The following ARHGAP21 variants were observed in gnomAD, a reference collection of about 807,000 sequenced individuals.
ARHGAP21 encodes Rho GTPase activating protein 21, also known as rho GTPase-activating protein 21.
Under a neutral mutation model 164.6 loss-of-function variants are expected in ARHGAP21, and 38 were observed. The ratio of observed to expected loss-of-function variants is 0.23; its 90% confidence interval spans 0.18 to 0.30. The LOEUF is 0.30. ARHGAP21 is among the 10% of genes least tolerant of loss of function. The pLI is 1.00. For missense variants in ARHGAP21, 1,822 were observed against 2,370.7 expected, an observed-to-expected ratio of 0.77 and a Z score of 4.81; for synonymous variants, 766 against 857.9, an observed-to-expected ratio of 0.89 and a Z score of 1.87.
At chr10:24,678,115 A>AAG (rs1290268504) in intron 2 of ARHGAP21, among the ~76,000 whole-genome samples, 3 of 151,992 alleles carry the variant, frequency 2.0e-5, no homozygotes, top group Non-Finnish European at 2.9e-5. Flanking sequence ...GGAAAAAAAA[A>AAG]AGAGAGAGAG....
At chr10:24,641,848 T>A (rs1038400076) in intron 4 of ARHGAP21, among the ~76,000 whole-genome samples, 1 of 151,862 alleles carries the variant, frequency 6.6e-6, no homozygotes, top group Non-Finnish European at 1.5e-5. Context: ...ACACAAAAAA[T>A]TAGCCGGGCA....
At chr10:24,629,217 C>G (rs1296261999) in intron 7 of ARHGAP21, 1 of 150,478 alleles carries the variant, frequency 6.6e-6, no homozygotes, top group Non-Finnish European at 1.5e-5. Context: ...ATTGGCCAGG[C>G]TAGTCTCGAA....
At chr10:24,700,806 T>C (rs985587314) in intron 2 of ARHGAP21, among the ~76,000 whole-genome samples, 1 of 152,178 alleles carries the variant, frequency 6.6e-6, no homozygotes, top group African/African-American at 2.4e-5. Flanking sequence ...TTAACTCTCT[T>C]TTGGCCATTG....
intron 2 of ARHGAP21, among the ~76,000 whole-genome samples, chr10:24,674,840 T>A (rs1017098297): frequency 2.6e-5 from 4 of 152,054 alleles, no homozygotes; most frequent in Admixed American, 6.6e-5. Flanking sequence ...CTAGAATATA[T>A]AAAGAACTCT....
chr10:24,652,840 T>G (rs1411988296), intron 4 of ARHGAP21, among the ~76,000 whole-genome samples: 1 of 152,168 alleles, frequency 6.6e-6, no homozygotes, highest in Non-Finnish European at 1.5e-5. Flanking sequence ...TACGGTCCCC[T>G]CAGAAAACTG....
At chr10:24,642,568 A>G (rs947596308) in intron 4 of ARHGAP21, among the ~76,000 whole-genome samples, 1 of 152,004 alleles carries the variant, frequency 6.6e-6, no homozygotes, top group Non-Finnish European at 1.5e-5. Flanking sequence ...AGTTCTTCAC[A>G]GTATGTAGCA....
intron 4 of ARHGAP21, chr10:24,648,694 T>C (rs1225074442): frequency 1.8e-6 from 1 of 570,750 alleles, no homozygotes; most frequent in East Asian, 1.5e-4. Context: ...GCAGGAGAAT[T>C]GCTTGAACCC....
At chr10:24,610,247 C>T (rs946749466) in intron 9 of ARHGAP21, among the ~76,000 whole-genome samples, 21 of 151,960 alleles carry the variant, frequency 1.4e-4, no homozygotes, top group Admixed American at 3.3e-4. Flanking sequence ...CATGGTGGTG[C>T]GCGCCTGTAG....
chr10:24,661,390 G>A (rs939339039), intron 4 of ARHGAP21, among the ~76,000 whole-genome samples: 2 of 152,052 alleles, frequency 1.3e-5, no homozygotes, highest in African/African-American at 2.4e-5. Flanking sequence ...TGCAAACACT[G>A]GGTAAGTAAA....
At chr10:24,595,428 C>T (rs2076537085) in intron 19 of ARHGAP21, among the ~76,000 whole-genome samples, 3 of 152,242 alleles carry the variant, frequency 2.0e-5, no homozygotes, top group Non-Finnish European at 4.4e-5. Flanking sequence ...CACTTAAATA[C>T]TTGGCTTGAC....
In ARHGAP21 at chr10:24,591,137, TAA is replaced by T; in HGVS notation, c.4150+86_4150+87del. On this transcript the variant is annotated intron_variant, in intron 24 of 25. Transcript: ENST00000396432. Reference sequence around the variant, plus strand: ...AAGAGAAAAAGAAAAAAATCATAAGTAACAATTCACTATGATTGATTTGCTCT... The same window carrying T: ...AAGAGAAAAAGAAAAAAATCATAAGTCAATTCACTATGATTGATTTGCTCT... The T allele has an allele frequency of 2.5e-6, 3 of 1,178,258 alleles. No individual in the cohort carries two copies. In the South Asian group the frequency reaches 4.5e-5, roughly 18 times the overall value. 73.0% of individuals were successfully genotyped at this position (1,178,258 alleles called of 1,614,324 possible).
At chr10:24,672,516 C>T (rs975799842) in intron 2 of ARHGAP21, among the ~76,000 whole-genome samples, 1 of 152,146 alleles carries the variant, frequency 6.6e-6, no homozygotes, top group African/African-American at 2.4e-5. Context: ...GCAAATTATT[C>T]CCAAATCTGT....
intron 25 of ARHGAP21, among the ~76,000 whole-genome samples, chr10:24,586,567 ATGAC>A (rs1346597945): frequency 1.3e-5 from 2 of 152,334 alleles, no homozygotes; most frequent in Non-Finnish European, 2.9e-5. Context: ...TTAAATGTTT[ATGAC>A]TGACTTTGAT....
At chr10:24,604,088 A>G (rs1286408324) in intron 12 of ARHGAP21, among the ~76,000 whole-genome samples, 3 of 152,154 alleles carry the variant, frequency 2.0e-5, no homozygotes, top group Non-Finnish European at 4.4e-5. Flanking sequence ...AATAATTTCC[A>G]GGATAGAAAA....
In ARHGAP21 at chr10:24,712,302, G is replaced by A. The variant is rs543720826; in HGVS notation, c.63+9535C>T. Among the ~76,000 whole-genome samples, 3 of 152,272 alleles carry A rather than the reference G, an allele frequency of 2.0e-5. No individual in the cohort carries two copies. In the South Asian group the frequency reaches 6.2e-4, roughly 32 times the overall value. On this transcript the variant is annotated intron_variant, in intron 2 of 25. Coordinates refer to ENST00000396432, the MANE Select transcript of ARHGAP21 (RefSeq NM_020824.4). ...GATGGAGACTTGGGCATGCAGTGGA[G>A]AAGGCCATGTACGGACAGGCAGAGA... is the stretch of plus-strand genomic sequence containing the variant.
In ARHGAP21 at chr10:24,666,979, G is replaced by A; in HGVS notation, c.268+6C>T. ...TCAGAGATAAATTAAAATGTTTATA[G>A]CATACCTCCTCTGTTTCCATTTTCT... On this transcript the variant is annotated splice_donor_region_variant and intron_variant, in intron 4 of 25. Transcript: ENST00000396432. 7.0e-7 allele frequency: 1 copy of A among 1,432,348 alleles called. No homozygotes were observed. The highest frequency in any genetic ancestry group is 9.6e-7 in the Non-Finnish European group (1 of 1,042,832). 88.7% of individuals were successfully genotyped at this position (1,432,348 alleles called of 1,614,324 possible). A position where few individuals can be genotyped will look rare whatever the true frequency, so the allele number is the denominator to read the frequency against.
At chr10:24,615,478 A>G (rs1457202491) in intron 9 of ARHGAP21, among the ~76,000 whole-genome samples, 1 of 152,208 alleles carries the variant, frequency 6.6e-6, no homozygotes, top group Non-Finnish European at 1.5e-5. Flanking sequence ...TGAGCTAATA[A>G]TAGTCGGCAT....
chr10:24,658,000 T>G (rs1027468875), intron 4 of ARHGAP21, among the ~76,000 whole-genome samples: 3 of 141,340 alleles, frequency 2.1e-5, no homozygotes, highest in Non-Finnish European at 3.0e-5. Context: ...TATTGTCCCA[T>G]GACCCTGCCA....
intron 2 of ARHGAP21, among the ~76,000 whole-genome samples, chr10:24,675,652 C>T (rs1044131292): frequency 6.6e-6 from 1 of 152,000 alleles, no homozygotes; most frequent in Non-Finnish European, 1.5e-5. Context: ...AGTGGTTATC[C>T]TGAGGGGATA....
Sources: allele counts gnomAD v4.1 joint callset (sites outside exome capture counted in the v4.1 genomes callset), GRCh38; gene constraint gnomAD v4.1.1; transcripts MANE v1.5; gene names NCBI Gene and HGNC (gene_info 2026-07-23, HGNC 2026-07-21).